Variants in SYNJ2 observed in about 807,000 individuals in gnomAD.
SYNJ2 encodes the protein polyphosphatidylinositol phosphatase SYNJ2.
A neutral mutation model predicts 141.3 loss-of-function variants in SYNJ2; 116 were observed. That is an observed-to-expected ratio of 0.82 (90% CI 0.71 to 0.96). The LOEUF is 0.96. Ranked by LOEUF, SYNJ2 falls within the 40% of genes least tolerant of loss-of-function variation. The probability of loss-of-function intolerance (pLI) is 0.00; values close to 1 mark genes in which losing one functional copy is unlikely to be tolerated. For synonymous variants in SYNJ2, 745 were observed against 777.7 expected, an observed-to-expected ratio of 0.96 and a Z score of 0.70; for missense variants, 1,873 against 1,934.8, an observed-to-expected ratio of 0.97 and a Z score of 0.60.
chr6:157,990,402 C>A (rs775889072), intron 1 of SYNJ2, among the ~76,000 whole-genome samples: 1 of 152,170 alleles, frequency 6.6e-6, no homozygotes, highest in Non-Finnish European at 1.5e-5. Context: ...TTCTAGTGAG[C>A]CCACACACCC....
chr6:158,077,501 G>C (rs1456128002), intron 17 of SYNJ2, among the ~76,000 whole-genome samples: 9 of 151,662 alleles, frequency 5.9e-5, no homozygotes, highest in African/African-American at 2.2e-4. Flanking sequence ...CCTGCTTAAA[G>C]CCCTAATTCC....
intron 5 of SYNJ2, among the ~76,000 whole-genome samples, chr6:158,047,708 C>T (rs1456582923): frequency 8.2e-6 from 1 of 122,214 alleles, no homozygotes; most frequent in African/African-American, 3.1e-5. Context: ...ACCTGGGAGG[C>T]GGAGTTTGCA....
In SYNJ2 at chr6:158,095,805, C is replaced by A; in HGVS notation, c.3932C>A (p.Ala1311Asp). 6.2e-7 allele frequency: 1 copy of A among 1,614,208 alleles called. No homozygotes were observed. Among genetic ancestry groups the A allele is most frequent in the Non-Finnish European group, 8.5e-7 (1 of 1,180,038 alleles). ...CACAGGAAGCCAGCATCAGACGAAG[C>A]CCCTCCTGGGGCAGGAGCCTCTGTG... Reference protein sequence around the residue: ...PSHRKPASDEAPPGAGASVPP... With the variant: ...PSHRKPASDEDPPGAGASVPP... Residue 1311 changes from alanine (A) to aspartate (D), a missense_variant, in exon 27 of 27, where the codon GCC becomes GAC. Transcript: ENST00000355585.
At position 158,095,704 on chromosome 6, in the gene SYNJ2, C is replaced by T. The variant is rs965402462; in HGVS notation, c.3831C>T (p.Val1277=). ...PPETSVEAPP[V]VTAPRVPPVP... is the part of the protein sequence containing the mutation. Reference sequence around the variant, plus strand: ...AGACAAGCGTTGAGGCCCCTCCTGTCGTGACAGCCCCTCGAGTCCCTCCTG... The same window carrying T: ...AGACAAGCGTTGAGGCCCCTCCTGTTGTGACAGCCCCTCGAGTCCCTCCTG... The change falls in exon 27 of 27, where the codon GTC becomes GTT. Residue 1277 remains valine (V), a synonymous_variant. Coordinates refer to ENST00000355585, the MANE Select transcript of SYNJ2 (RefSeq NM_003898.4). 7 of 1,614,080 alleles carry T rather than the reference C, an allele frequency of 4.3e-6. No homozygotes were observed. The Admixed American group carries it at 5.0e-5, about 12-fold the overall frequency.
At chr6:158,083,815 A>C (rs1744174) in intron 21 of SYNJ2, among the ~76,000 whole-genome samples, 186 bp from the exon 22 acceptor site, 2 of 152,152 alleles carry the variant, frequency 1.3e-5, no homozygotes, top group Non-Finnish European at 2.9e-5. Flanking sequence ...AACAGTGGCT[A>C]TGAGGATATC....
intron 1 of SYNJ2, among the ~76,000 whole-genome samples, chr6:157,986,314 C>T (rs1777201934): frequency 6.6e-6 from 1 of 152,218 alleles, no homozygotes; most frequent in Admixed American, 6.5e-5. Flanking sequence ...AAAATGCAAA[C>T]TGGGATGGTG....
At chr6:158,059,213 C>T (rs766559211) in intron 6 of SYNJ2, 44 bp from the exon 7 acceptor site, 11 of 1,505,696 alleles carry the variant, frequency 7.3e-6, no homozygotes, top group Non-Finnish European at 9.8e-6. Flanking sequence ...GAGTCTGCAC[C>T]TGTGCCCGTG....
intron 5 of SYNJ2, among the ~76,000 whole-genome samples, chr6:158,054,166 T>TATCCATCCATCCATCC (rs762905014): frequency 6.0e-4 from 80 of 134,028 alleles, no homozygotes; most frequent in African/African-American, 2.2e-3. Context: ...TCCACTCAGC[T>TATCCATCCATCCATCC]ATCCATCCAT....
rs749392254 is a variant in SYNJ2, at chr6:158,061,977, CCCT to C, written c.955-10_955-8del. 28 of 1,612,704 alleles carry C rather than the reference CCCT, an allele frequency of 1.7e-5. No individual in the cohort carries two copies. The African/African-American group carries it at 2.5e-4, about 15-fold the overall frequency. ...TCCCTCTGCTCCCCTCACCGCCCTC[CCCT>C]CCTCTTTTCAGAAGCTGCTCTGGGC... is the stretch of plus-strand genomic sequence containing the variant. On this transcript the variant is annotated splice_polypyrimidine_tract_variant and intron_variant, in intron 7 of 26. Coordinates refer to ENST00000355585, the MANE Select transcript of SYNJ2 (RefSeq NM_003898.4).
intron 1 of SYNJ2, among the ~76,000 whole-genome samples, chr6:158,012,855 T>C (rs945645443): frequency 6.6e-6 from 1 of 152,182 alleles, no homozygotes; most frequent in African/African-American, 2.4e-5. Context: ...CAGAGTCTGC[T>C]TAGTCCTCAA....
chr6:157,996,885 A>G (rs184675491), intron 1 of SYNJ2, among the ~76,000 whole-genome samples: 7 of 152,340 alleles, frequency 4.6e-5, no homozygotes, highest in Non-Finnish European at 8.8e-5. Context: ...CTTCCCGTAT[A>G]GCCTACAGAT....
intron 1 of SYNJ2, among the ~76,000 whole-genome samples, chr6:157,985,108 C>CA (rs2128312786): frequency 6.6e-6 from 1 of 152,340 alleles, no homozygotes; most frequent in African/African-American, 2.4e-5. Flanking sequence ...AAGTACCTCT[C>CA]GCCGAAGGGG....
chr6:158,057,341 G>A (rs927351008), intron 6 of SYNJ2, among the ~76,000 whole-genome samples: 4 of 151,978 alleles, frequency 2.6e-5, no homozygotes, highest in East Asian at 1.9e-4. Flanking sequence ...GCTCCCTTAC[G>A]CCCTGGGTGC....
At chr6:158,016,415 C>T (rs758405452) in intron 1 of SYNJ2, among the ~76,000 whole-genome samples, 3 of 152,148 alleles carry the variant, frequency 2.0e-5, no homozygotes, top group Non-Finnish European at 4.4e-5. Flanking sequence ...CCACTGTGCC[C>T]GGCCAAAATG....
At chr6:158,033,813 G>C in intron 4 of SYNJ2, 133 bp downstream of exon 4, 1 of 852,762 alleles carries the variant, frequency 1.2e-6, no homozygotes. Context: ...CCTCCTATAA[G>C]TGGAGAACAG....
At chr6:157,991,503 C>T (rs1469116664) in intron 1 of SYNJ2, among the ~76,000 whole-genome samples, 1 of 152,170 alleles carries the variant, frequency 6.6e-6, no homozygotes, top group Non-Finnish European at 1.5e-5. Flanking sequence ...TCCTTAGGCT[C>T]TTCTTTCCAG....
At chr6:158,009,743 C>T (rs1469998396) in intron 1 of SYNJ2, among the ~76,000 whole-genome samples, 1 of 152,204 alleles carries the variant, frequency 6.6e-6, no homozygotes, top group Non-Finnish European at 1.5e-5. Flanking sequence ...AGGTGTGCTT[C>T]CAGCCCACGC....
At chr6:158,081,387 T>C (rs1782671119) in intron 19 of SYNJ2, 45 bp from the exon 20 acceptor site, 1 of 1,613,084 alleles carries the variant, frequency 6.2e-7, no homozygotes. Flanking sequence ...CCGTGAGAGC[T>C]GCCAGGTCGT....
chr6:158,081,494 A>G lies in SYNJ2; in HGVS notation c.2849A>G (p.Asp950Gly). 2 of 1,602,282 alleles carry G rather than the reference A, an allele frequency of 1.2e-6. No individual in the cohort carries two copies. The highest frequency in any genetic ancestry group is 1.7e-6 in the Non-Finnish European group (2 of 1,173,220). ...AGTCACTCGGCTCTCAGTGTCCTGG[A>G]CGTGGACGGTATGAAGGTACGCTGT... ...ADSHSALSVL[D>G]VDGMKVKGRA... The change falls in exon 20 of 27, where the codon GAC becomes GGC. Residue 950 changes from aspartate (D) to glycine (G), a missense_variant. By Grantham distance (94) the Asp-to-Gly change is moderately conservative. Transcript: ENST00000355585.
Sources: allele counts gnomAD v4.1 joint callset (sites outside exome capture counted in the v4.1 genomes callset), GRCh38; gene constraint gnomAD v4.1.1; transcripts MANE v1.5; gene names NCBI Gene and HGNC (gene_info 2026-07-23, HGNC 2026-07-21).